RBFOX1: variants seen among roughly 807,000 people sequenced by gnomAD.
RBFOX1 encodes the protein RNA binding fox-1 homolog 1, also known as RNA binding protein fox-1 homolog 1.
Under a neutral mutation model 57.7 loss-of-function variants are expected in RBFOX1, and 8 were observed. The observed-to-expected ratio is 0.14, with a 90% confidence interval of 0.08 to 0.25. The LOEUF (loss-of-function observed/expected upper bound fraction) is 0.25. Among genes scored for constraint, RBFOX1 ranks in the 10% least tolerant of loss-of-function variants. The pLI, the probability that RBFOX1 is intolerant of heterozygous loss-of-function variation, is 1.00. For synonymous variants in RBFOX1, 326 were observed against 222.4 expected, an observed-to-expected ratio of 1.47 and a Z score of -4.15; for missense variants, 611 against 548.5, an observed-to-expected ratio of 1.11 and a Z score of -1.14.
At chr16:5,471,265 G>A (rs1007693605) in intron 2 of RBFOX1, among the ~76,000 whole-genome samples, 23 of 152,186 alleles carry the variant, frequency 1.5e-4, no homozygotes, top group African/African-American at 5.1e-4. Context: ...AGGAAATGGC[G>A]TTCTGTTCCT....
chr16:6,510,550 A>T (rs564481258), intron 2 of RBFOX1, among the ~76,000 whole-genome samples: 1 of 152,332 alleles, frequency 6.6e-6, no homozygotes, highest in South Asian at 2.1e-4. Context: ...CTACCCAAGC[A>T]ATTGGAGTCT....
chr16:5,888,776 G>A (rs1219944466), intron 4 of RBFOX1, among the ~76,000 whole-genome samples: 2 of 142,314 alleles, frequency 1.4e-5, no homozygotes, highest in Admixed American at 7.4e-5. Flanking sequence ...CAATCTGGGC[G>A]ACAAGAGCGA....
intron 3 of RBFOX1, among the ~76,000 whole-genome samples, chr16:6,670,067 G>A (rs955258299): frequency 3.9e-5 from 6 of 152,058 alleles, no homozygotes; most frequent in Non-Finnish European, 5.9e-5. Flanking sequence ...TAGTGTCCAC[G>A]TTGGAGTGCA....
intron 2 of RBFOX1, among the ~76,000 whole-genome samples, chr16:6,499,017 C>G (rs141478724): frequency 1.3e-3 from 196 of 152,290 alleles, no homozygotes; most frequent in African/African-American, 4.5e-3. Flanking sequence ...TATTACCATT[C>G]TATGATTGTG....
chr16:7,381,262 G>A (rs775753911), intron 4 of RBFOX1, among the ~76,000 whole-genome samples: 1 of 152,114 alleles, frequency 6.6e-6, no homozygotes, highest in Non-Finnish European at 1.5e-5. Context: ...ATTTTTATGG[G>A]CCCTGACTTT....
intron 2 of RBFOX1, among the ~76,000 whole-genome samples, chr16:5,486,089 T>A (rs1467362710): frequency 6.6e-6 from 1 of 152,198 alleles, no homozygotes; most frequent in Non-Finnish European, 1.5e-5. Context: ...CCTGAAGCAC[T>A]TCTCTGAGAA....
chr16:7,374,202 G>A (rs1211124446), intron 4 of RBFOX1, among the ~76,000 whole-genome samples: 2 of 152,072 alleles, frequency 1.3e-5, no homozygotes, highest in African/African-American at 4.8e-5. Flanking sequence ...ATGAATTTTG[G>A]GGATTCAATA....
At chr16:6,843,549 C>T (rs1339652029) in intron 3 of RBFOX1, among the ~76,000 whole-genome samples, 2 of 152,042 alleles carry the variant, frequency 1.3e-5, no homozygotes, top group African/African-American at 4.8e-5. Flanking sequence ...ATTATCTAGG[C>T]ATGGTGGCGG....
At chr16:5,296,521 G>T (rs1314100284) in intron 1 of RBFOX1, among the ~76,000 whole-genome samples, 1 of 151,392 alleles carries the variant, frequency 6.6e-6, no homozygotes, top group African/African-American at 2.4e-5. Context: ...ACAAATCCTT[G>T]GTTCTCAGCA....
rs1400051303 is a variant in RBFOX1 at position 5,908,113 on chromosome 16, CATATATACACATAT to C, written c.351+40796_351+40809del. On this transcript the variant is annotated intron_variant, in intron 4 of 19. Coordinates refer to the RBFOX1 transcript ENST00000641259. ...ACATATATACACATATATATATACA[CATATATACACATAT>C]ATATATACACATATATACACATATA... 2.6e-3 allele frequency among the ~76,000 whole-genome samples: 360 copies of C among 136,072 alleles called. 20 individuals carry two copies. The highest frequency in any genetic ancestry group is 0.011 in the African/African-American group (331 of 30,286). 89.3% of individuals were successfully genotyped at this position (136,072 alleles called of 152,430 possible). A position where few individuals can be genotyped will look rare whatever the true frequency, so the allele number is the denominator to read the frequency against.
chr16:7,475,570 C>T (rs141486681), intron 4 of RBFOX1, among the ~76,000 whole-genome samples: 3,010 of 152,242 alleles, frequency 0.02, 96 homozygotes, highest in African/African-American at 0.06. Flanking sequence ...ACCTTGGCCT[C>T]CCAAAGTGCT....
At chr16:7,709,152 G>C (rs375011642) in intron 15 of RBFOX1, 21 bp downstream of exon 15, 2 of 1,589,844 alleles carry the variant, frequency 1.3e-6, no homozygotes, top group Non-Finnish European at 1.7e-6. Context: ...GTTTCTCCTT[G>C]TCCTCACTTC....
At chr16:5,772,755 G>T (rs1438403143) in intron 3 of RBFOX1, among the ~76,000 whole-genome samples, 1 of 152,158 alleles carries the variant, frequency 6.6e-6, no homozygotes, top group Non-Finnish European at 1.5e-5. Flanking sequence ...TGTCCTTGTG[G>T]AGCTTACATT....
intron 5 of RBFOX1, among the ~76,000 whole-genome samples, chr16:7,572,698 G>A (rs1474656089): frequency 6.6e-6 from 1 of 152,134 alleles, no homozygotes; most frequent in Non-Finnish European, 1.5e-5. Flanking sequence ...AATTAGCTGG[G>A]CGTAGTGGCT....
chr16:6,683,448 C>T (rs989523759), intron 3 of RBFOX1, among the ~76,000 whole-genome samples: 10 of 151,976 alleles, frequency 6.6e-5, no homozygotes, highest in African/African-American at 1.7e-4. Context: ...CTATGTCTTT[C>T]AAATGGTTTA....
intron 2 of RBFOX1, among the ~76,000 whole-genome samples, chr16:5,507,276 T>C (rs1008071664): frequency 6.6e-6 from 1 of 152,190 alleles, no homozygotes; most frequent in Non-Finnish European, 1.5e-5. Flanking sequence ...TTTGCCATGA[T>C]TGGAGATGGT....
chr16:6,166,425 T>G (rs2152755462), intron 1 of RBFOX1, among the ~76,000 whole-genome samples: 1 of 152,030 alleles, frequency 6.6e-6, no homozygotes, highest in East Asian at 1.9e-4. Context: ...GGAATGAAAA[T>G]AAGGTCATCA....
chr16:7,431,626 C>T lies in RBFOX1; in HGVS notation c.28-86521C>T, dbSNP rs555561193. 5.8e-4 allele frequency among the ~76,000 whole-genome samples: 89 copies of T among 152,326 alleles called. No homozygotes were observed. The Middle Eastern group carries it at 0.01, about 17-fold the overall frequency. ...GTGTCATCGGTGATATTTAATGCAA[C>T]CGCCATCACTGTCCAGTTTCAGAAC... On this transcript the variant is annotated intron_variant, in intron 4 of 15. Transcript: ENST00000550418.
chr16:6,933,155 T>G (rs2076830701), intron 3 of RBFOX1, among the ~76,000 whole-genome samples: 1 of 152,224 alleles, frequency 6.6e-6, no homozygotes, highest in Admixed American at 6.5e-5. Context: ...CTGTAGACGC[T>G]TGGGTTCCTT....
Sources: allele counts gnomAD v4.1 joint callset (sites outside exome capture counted in the v4.1 genomes callset), GRCh38; gene constraint gnomAD v4.1.1; transcripts MANE v1.5; gene names NCBI Gene and HGNC (gene_info 2026-07-23, HGNC 2026-07-21).